The following FRMD3 variants were observed in gnomAD, a reference collection of about 807,000 sequenced individuals.
FRMD3 encodes FERM domain containing 3.
Under a neutral mutation model 70.2 loss-of-function variants are expected in FRMD3, and 33 were observed. That is an observed-to-expected ratio of 0.47 (90% CI 0.36 to 0.63). The LOEUF is 0.63. FRMD3 is among the 20% of genes least tolerant of loss of function. The pLI is 0.00. For missense variants in FRMD3, 632 were observed against 711.4 expected, an observed-to-expected ratio of 0.89 and a Z score of 1.27; for synonymous variants, 279 against 255.9, an observed-to-expected ratio of 1.09 and a Z score of -0.86.
intron 1 of FRMD3, among the ~76,000 whole-genome samples, chr9:83,417,125 A>G (rs2131350693): frequency 6.6e-6 from 1 of 152,346 alleles, no homozygotes; most frequent in African/African-American, 2.4e-5. Flanking sequence ...ATATATTTAT[A>G]ATTTTTTGAG....
At chr9:83,262,780 A>C (rs1026293983) in intron 13 of FRMD3, among the ~76,000 whole-genome samples, 7 of 151,946 alleles carry the variant, frequency 4.6e-5, no homozygotes, top group Non-Finnish European at 8.8e-5. Flanking sequence ...CTAAGACCCT[A>C]TGTGTTATGT....
At chr9:83,361,761 A>C (rs1824592390) in intron 3 of FRMD3, among the ~76,000 whole-genome samples, 1 of 152,150 alleles carries the variant, frequency 6.6e-6, no homozygotes, top group Non-Finnish European at 1.5e-5. Context: ...TCTTTATAAG[A>C]GAAAGGAGAG....
In FRMD3 at chr9:83,538,137, A is replaced by G; in HGVS notation, c.95T>C (p.Met32Thr). The G allele has an allele frequency of 6.2e-7, 1 of 1,613,352 alleles. No homozygotes were observed. The highest frequency in any genetic ancestry group is 8.5e-7 in the Non-Finnish European group (1 of 1,179,558). The change falls in exon 1 of 14, where the codon ATG (methionine) becomes ACG (threonine). Residue 32 changes from methionine to threonine, a missense_variant. Around this residue, in one of 3 missense-constraint regions of FRMD3, gnomAD observed 208 missense variants for 247.7 expected, o/e 0.84. Transcript: ENST00000304195. The surrounding 1 kb of genome is among the most constrained non-coding windows in gnomAD (Gnocchi z 4.7). ...GTCCAGCAGCCGGATGGTGCATCTC[A>G]TCTCCTGGCTGAGCGATTTGACGCT... is the stretch of plus-strand genomic sequence containing the variant. ...SSSVKSLSQE[M>T]RCTIRLLDDS...
At chr9:83,354,302 C>T (rs1017729242) in intron 3 of FRMD3, among the ~76,000 whole-genome samples, 4 of 152,178 alleles carry the variant, frequency 2.6e-5, no homozygotes, top group African/African-American at 9.7e-5. Context: ...TACATATACA[C>T]CATGGAATAC....
chr9:83,527,472 C>T (rs550038214), intron 1 of FRMD3, among the ~76,000 whole-genome samples: 55 of 152,218 alleles, frequency 3.6e-4, no homozygotes, highest in Admixed American at 9.2e-4. Context: ...CAGTGAGGCA[C>T]AATCGAGGGA....
chr9:83,540,637 T>C (rs1169680068), upstream of FRMD3, among the ~76,000 whole-genome samples: 1 of 152,100 alleles, frequency 6.6e-6, no homozygotes, highest in East Asian at 1.9e-4. Flanking sequence ...GGAAACCAAC[T>C]GGCCATTGTC....
At chr9:83,259,737 G>A (rs1006836280) in intron 13 of FRMD3, among the ~76,000 whole-genome samples, 1 of 152,136 alleles carries the variant, frequency 6.6e-6, no homozygotes, top group East Asian at 1.9e-4. Context: ...ATGTGAAACT[G>A]TCAGGTCTCT....
At chr9:83,445,577 A>G (rs1224259436) in intron 1 of FRMD3, among the ~76,000 whole-genome samples, 2 of 152,208 alleles carry the variant, frequency 1.3e-5, no homozygotes, top group East Asian at 3.9e-4. Flanking sequence ...TAAAGCAAAT[A>G]TACTTAGGAA....
chr9:83,417,424 T>C (rs1268513221), intron 1 of FRMD3, among the ~76,000 whole-genome samples: 1 of 152,254 alleles, frequency 6.6e-6, no homozygotes, highest in Non-Finnish European at 1.5e-5. Context: ...TTTAATGCTA[T>C]CACAACCCTC....
chr9:83,530,855 C>A (rs1829778765), intron 1 of FRMD3, among the ~76,000 whole-genome samples: 2 of 152,112 alleles, frequency 1.3e-5, no homozygotes, highest in African/African-American at 4.8e-5. Flanking sequence ...TTCCTCCTAT[C>A]TGATTTTAGG....
chr9:83,430,036 T>C (rs1309792689), intron 1 of FRMD3, among the ~76,000 whole-genome samples: 2 of 152,152 alleles, frequency 1.3e-5, no homozygotes, highest in African/African-American at 4.8e-5. Flanking sequence ...ACTCCTTTGT[T>C]CCCCCATCAC....
the FRMD3 span, among the ~76,000 whole-genome samples, chr9:83,570,638 G>A: frequency 6.6e-6 from 1 of 152,170 alleles, no homozygotes; most frequent in East Asian, 1.9e-4. Context: ...AGATCACACA[G>A]GGACCAGTTA....
chr9:83,551,824 C>T, the FRMD3 span, among the ~76,000 whole-genome samples: 2 of 150,866 alleles, frequency 1.3e-5, no homozygotes, highest in East Asian at 1.9e-4. Flanking sequence ...AGTAACAGTC[C>T]CTTTGTCATT....
At chr9:83,464,956 G>A (rs531401992) in intron 1 of FRMD3, among the ~76,000 whole-genome samples, 1 of 143,900 alleles carries the variant, frequency 6.9e-6, no homozygotes, top group South Asian at 2.3e-4. Flanking sequence ...GGAGATTGAG[G>A]TTGCAGTGAG....
Position 83,247,001 on chromosome 9 carries a change from A to C in FRMD3, c.*917T>G, listed in dbSNP as rs1832137604. On this transcript the variant is annotated 3_prime_UTR_variant, in exon 14 of 14. Coordinates refer to ENST00000304195, the MANE Select transcript of FRMD3 (RefSeq NM_174938.6). ...GTTAATGTACATTGATATGCAACTG[A>C]CTAGCACATCTGTTACCTTTTTTCC... 1.0e-6 allele frequency: 1 copy of C among 985,400 alleles called. No individual in the cohort carries two copies. Among genetic ancestry groups the C allele is most frequent in the African/African-American group, 1.7e-5 (1 of 57,344 alleles). 61.0% of individuals were successfully genotyped at this position (985,400 alleles called of 1,614,324 possible).
At chr9:83,254,597 G>T (rs13297573) in intron 13 of FRMD3, among the ~76,000 whole-genome samples, 2 of 151,378 alleles carry the variant, frequency 1.3e-5, no homozygotes, top group Non-Finnish European at 2.9e-5. Context: ...GAATCTAGAC[G>T]CTGAATTTTA....
intron 6 of FRMD3, among the ~76,000 whole-genome samples, chr9:83,325,323 T>C (rs1260664344): frequency 6.6e-6 from 1 of 152,190 alleles, no homozygotes; most frequent in Non-Finnish European, 1.5e-5. Flanking sequence ...TAAATTTATT[T>C]ATTTATTTAA....
intron 1 of FRMD3, among the ~76,000 whole-genome samples, chr9:83,525,522 G>C (rs1829666887): frequency 6.6e-6 from 1 of 152,194 alleles, no homozygotes; most frequent in African/African-American, 2.4e-5. Context: ...AACTTGCAAA[G>C]CTGCTCCTCA....
chr9:83,419,478 G>A (rs1826560499), intron 1 of FRMD3, among the ~76,000 whole-genome samples: 1 of 149,468 alleles, frequency 6.7e-6, no homozygotes, highest in South Asian at 2.1e-4. Flanking sequence ...GTGTGTTCAT[G>A]TGTTGAGAGT....
Sources: gnomAD v4.1 joint callset for allele counts (sites outside exome capture counted in the v4.1 genomes callset) on GRCh38, gnomAD v4.1.1 for gene constraint, gnomAD v4.1.1 regional missense constraint, Gnocchi (gnomAD v3.1) non-coding constraint, MANE v1.5 for transcripts, NCBI Gene and HGNC (gene_info 2026-07-23, HGNC 2026-07-21) for gene names.